SERPINB12: variants seen among roughly 807,000 people sequenced by gnomAD.
The protein encoded by SERPINB12 is serpin family B member 12.
Under a neutral mutation model 41.1 loss-of-function variants are expected in SERPINB12, and 57 were observed. The observed-to-expected ratio is 1.39, with a 90% CI of 1.12 to 1.73. SERPINB12 has a LOEUF of 1.73. Among genes scored for constraint, SERPINB12 ranks in the 40% most tolerant of loss-of-function variants. The pLI is 0.00. For missense variants in SERPINB12, 536 were observed against 501.9 expected (o/e 1.07, Z -0.65); for synonymous variants, 180 against 181.3 (o/e 0.99, Z 0.06).
the SERPINB12 span, among the ~76,000 whole-genome samples, chr18:63,530,715 C>A: frequency 1.3e-5 from 2 of 152,130 alleles, no homozygotes; most frequent in African/African-American, 4.8e-5. Context: ...ATGGTGCTCA[C>A]ACACTCAGGC....
intron 1 of SERPINB12, among the ~76,000 whole-genome samples, chr18:63,548,329 T>G (rs1293981558): frequency 6.6e-6 from 1 of 152,112 alleles, no homozygotes; most frequent in East Asian, 1.9e-4. Context: ...AAAATGTATC[T>G]TCAAAGCTAA....
Position 63,564,108 on chromosome 18 carries a change from C to T in SERPINB12, c.693C>T (p.Phe231=), listed in dbSNP as rs191394197. The T allele has an allele frequency of 1.2e-6, 2 of 1,613,174 alleles. No homozygotes were observed. The highest frequency in any genetic ancestry group is 1.7e-6 in the Non-Finnish European group (2 of 1,179,790). ...FDHENTVDAP[F]CLNANENKSV... The stretch of plus-strand genomic sequence containing the variant: ...ATGAAAACACGGTGGATGCACCTTT[C>T]TGTCTAAATGCGGTAGTGTATCAGA... Residue 231 remains phenylalanine (F), a synonymous_variant, in exon 6 of 8, where the codon TTC becomes TTT. Transcript: ENST00000382768.
intron 1 of SERPINB12, among the ~76,000 whole-genome samples, chr18:63,553,348 C>T (rs952463768): frequency 1.3e-5 from 2 of 152,206 alleles, no homozygotes; most frequent in African/African-American, 4.8e-5. Context: ...TTGCAAGTCA[C>T]TTCGCCTCAT....
the SERPINB12 span, among the ~76,000 whole-genome samples, chr18:63,533,299 G>A: frequency 2.5e-4 from 38 of 152,098 alleles, no homozygotes; most frequent in Admixed American, 7.9e-4. Context: ...TGAATGAATC[G>A]AACTTAAGTT....
chr18:63,565,477 A>G lies in SERPINB12; in HGVS notation c.738A>G (p.Gln246=). 6.2e-7 allele frequency: 1 copy of G among 1,613,878 alleles called. No individual in the cohort carries two copies. The highest frequency in any genetic ancestry group is 8.5e-7 in the Non-Finnish European group (1 of 1,179,894). ...ACAAGAGTGTGAAGATGATGACGCA[A>G]AAAGGCCTCTACAGAATTGGCTTCA... ...NENKSVKMMT[Q]KGLYRIGFIE... The change falls in exon 7 of 8, where the codon CAA becomes CAG. Residue 246 remains glutamine, a synonymous_variant. Transcript: ENST00000382768.
At chr18:63,558,929 C>T (rs1402321328) in intron 3 of SERPINB12, among the ~76,000 whole-genome samples, 1 of 152,096 alleles carries the variant, frequency 6.6e-6, no homozygotes, top group Non-Finnish European at 1.5e-5. Context: ...AGATATTATC[C>T]AGGGTATGCA....
chr18:63,553,013 C>T (rs551765979), intron 1 of SERPINB12, among the ~76,000 whole-genome samples: 1 of 152,118 alleles, frequency 6.6e-6, no homozygotes, highest in African/African-American at 2.4e-5. Context: ...CTATTGTTCT[C>T]TCAACTCCCT....
At chr18:63,554,411 T>G (rs1910609524) in intron 1 of SERPINB12, among the ~76,000 whole-genome samples, 2 of 152,216 alleles carry the variant, frequency 1.3e-5, no homozygotes, top group Non-Finnish European at 1.5e-5. Context: ...TGAATTAGGT[T>G]TTATAGGCTA....
rs3216122 is a variant in SERPINB12, at chr18:63,569,137, A to ATTTT, written c.*2132_*2135dup. On this transcript the variant is annotated 3_prime_UTR_variant, in exon 8 of 8. Coordinates refer to ENST00000382768, the MANE Select transcript of SERPINB12 (RefSeq NM_001307928.2). ...TCTTATTCTTTTACTTGGTAAACAC[A>ATTTT]TTTTTTTTTCATTTACATCGGGATT... Among the ~76,000 whole-genome samples, 354 of 151,220 alleles carry ATTTT rather than the reference A, an allele frequency of 2.3e-3. 2 individuals are homozygous for ATTTT. The highest frequency in any genetic ancestry group is 7.7e-3 in the African/African-American group (316 of 41,166).
upstream of SERPINB12, among the ~76,000 whole-genome samples, chr18:63,538,260 T>C (rs1910211773): frequency 6.6e-6 from 1 of 152,132 alleles, no homozygotes; most frequent in East Asian, 1.9e-4. Flanking sequence ...TTTAAATAAA[T>C]TTACAGAGTT....
chr18:63,544,419 A>G (rs116911329), intron 1 of SERPINB12, among the ~76,000 whole-genome samples: 1 of 152,242 alleles, frequency 6.6e-6, no homozygotes, highest in Admixed American at 6.5e-5. Flanking sequence ...AACACATAAG[A>G]GCTTGGAAAA....
chr18:63,546,597 A>G (rs899337547), intron 1 of SERPINB12, among the ~76,000 whole-genome samples: 3 of 152,230 alleles, frequency 2.0e-5, no homozygotes, highest in Non-Finnish European at 2.9e-5. Flanking sequence ...GACAATGTGT[A>G]TATGAAGTAA....
chr18:63,519,520 C>T, the SERPINB12 span, among the ~76,000 whole-genome samples: 462 of 152,312 alleles, frequency 3.0e-3, 1 homozygote, highest in African/African-American at 0.01. Context: ...GCCTCAACTC[C>T]GCCCCTTCTG....
chr18:63,525,628 T>C, the SERPINB12 span, among the ~76,000 whole-genome samples: 1 of 152,148 alleles, frequency 6.6e-6, no homozygotes, highest in African/African-American at 2.4e-5. Context: ...ATAATATTAC[T>C]TTAACATTTC....
chr18:63,558,999 CTTCCTTCT>C lies in SERPINB12; in HGVS notation c.303+517_303+524del, dbSNP rs1460941506. On this transcript the variant is annotated intron_variant, in intron 3 of 7. Coordinates refer to ENST00000382768, the MANE Select transcript of SERPINB12 (RefSeq NM_001307928.2). ...ATAGATGATTGTCTTTCTTTCTTTCCTTCCTTCTTTCTTTCTTTCTTTCTTTCTTTCTT... is the reference window on the plus strand; with the variant it reads ...ATAGATGATTGTCTTTCTTTCTTTCCTTCTTTCTTTCTTTCTTTCTTTCTT... Among the ~76,000 whole-genome samples, 206 of 114,780 alleles carry C rather than the reference CTTCCTTCT, an allele frequency of 1.8e-3. 3 individuals are homozygous for C. Among genetic ancestry groups the C allele is most frequent in the African/African-American group, 5.8e-3 (161 of 27,816 alleles). The allele number at this position is 114,780 out of a possible 152,430, so 75.3% of individuals were successfully genotyped here. A position where few individuals can be genotyped will look rare whatever the true frequency, so the allele number is the denominator to read the frequency against.
chr18:63,528,919 A>T, the SERPINB12 span, among the ~76,000 whole-genome samples: 13 of 152,164 alleles, frequency 8.5e-5, no homozygotes, highest in African/African-American at 2.4e-5. Flanking sequence ...AAAAGAACTC[A>T]TCAAAAGGAG....
intron 5 of SERPINB12, 56 bp downstream of exon 5, chr18:63,561,258 G>C: frequency 9.1e-7 from 1 of 1,096,156 alleles, no homozygotes; most frequent in Admixed American, 1.8e-5. Context: ...AAAGAAAATT[G>C]GTCTGCCTAG....
At chr18:63,563,944 C>G (rs762080115) in intron 5 of SERPINB12, 34 bp from the exon 6 acceptor site, 2 of 1,557,154 alleles carry the variant, frequency 1.3e-6, no homozygotes, top group East Asian at 2.3e-5. Flanking sequence ...TGATACAATT[C>G]ATACTCAGGA....
chr18:63,563,793 G>A (rs187786470), intron 5 of SERPINB12, among the ~76,000 whole-genome samples, 185 bp from the exon 6 acceptor site: 4 of 152,110 alleles, frequency 2.6e-5, no homozygotes, highest in Admixed American at 6.5e-5. Flanking sequence ...TTACTCTGGC[G>A]GCTGAGGCAG....
Sources: allele counts gnomAD v4.1 joint callset (sites outside exome capture counted in the v4.1 genomes callset), GRCh38; gene constraint gnomAD v4.1.1; transcripts MANE v1.5; gene names NCBI Gene and HGNC (gene_info 2026-07-23, HGNC 2026-07-21).